The following UBE3D variants were observed in gnomAD, a reference collection of about 807,000 sequenced individuals.
The protein encoded by UBE3D is ubiquitin protein ligase E3D, also known as E3 ubiquitin-protein ligase E3D.
UBE3D carries 48 observed loss-of-function variants against 49.6 expected under a neutral mutation model. The observed-to-expected ratio is 0.97, with a 90% CI of 0.77 to 1.23. UBE3D has a LOEUF of 1.23. Among genes scored for constraint, UBE3D ranks in the 50% most tolerant of loss-of-function variants. The probability of loss-of-function intolerance (pLI) is 0.00; values close to 1 mark genes in which losing one functional copy is unlikely to be tolerated. For synonymous variants in UBE3D, 189 were observed against 174.2 expected (o/e 1.08, Z -0.67); for missense variants, 452 against 468.4 (o/e 0.96, Z 0.32).
intron 8 of UBE3D, among the ~76,000 whole-genome samples, chr6:83,005,676 A>G (rs1779927037): frequency 6.6e-6 from 1 of 151,886 alleles, no homozygotes; most frequent in African/African-American, 2.4e-5. Context: ...TCAAAGAGAT[A>G]TTTGCACACC....
At chr6:82,993,404 G>A (rs1453952558) in intron 8 of UBE3D, among the ~76,000 whole-genome samples, 1 of 152,146 alleles carries the variant, frequency 6.6e-6, no homozygotes, top group East Asian at 1.9e-4. Flanking sequence ...ATCCATAGGG[G>A]ATTGGTTCCA....
rs143242300 is a variant in UBE3D, at chr6:83,010,839, A to C, written c.1010+8134T>G. Among the ~76,000 whole-genome samples, 756 of 152,244 alleles carry C rather than the reference A, an allele frequency of 5.0e-3. 8 individuals carry two copies. Among genetic ancestry groups the C allele is most frequent in the African/African-American group, 0.016 (681 of 41,552 alleles). ...GCTGGCAGCTGATTAGATGGTGCCC[A>C]CCCAGATTAAGGGTAGATCTGCCTT... On this transcript the variant is annotated intron_variant, in intron 8 of 9. Transcript: ENST00000369747.
In UBE3D at chr6:82,912,872, T is replaced by A. The variant is rs115170851; in HGVS notation, c.1150-19830A>T. On this transcript the variant is annotated intron_variant, in intron 9 of 9. Transcript: ENST00000369747. ...CAACCTTTTTTTTAAATCCTGAGAA[T>A]CTTGTCAGTGGTTATTCTCTACTCT... 5.9e-3 allele frequency among the ~76,000 whole-genome samples: 893 copies of A among 152,244 alleles called. 12 individuals carry two copies. The highest frequency in any genetic ancestry group is 0.02 in the African/African-American group (841 of 41,528).
At chr6:83,062,066 T>C (rs1784206355) in intron 1 of UBE3D, among the ~76,000 whole-genome samples, 1 of 152,218 alleles carries the variant, frequency 6.6e-6, no homozygotes, top group East Asian at 1.9e-4. Flanking sequence ...TCTCCACTTC[T>C]ATCAAATATA....
intron 8 of UBE3D, among the ~76,000 whole-genome samples, chr6:82,965,523 C>T (rs749825497): frequency 1.4e-5 from 2 of 140,670 alleles, no homozygotes; most frequent in African/African-American, 5.3e-5. Context: ...GCAGAGGTTG[C>T]GGTGAGCCGA....
intron 1 of UBE3D, among the ~76,000 whole-genome samples, chr6:83,062,249 T>C (rs1403739539): frequency 6.6e-6 from 1 of 152,170 alleles, no homozygotes; most frequent in Non-Finnish European, 1.5e-5. Context: ...CATCTGTGGA[T>C]TGAATAAATG....
At chr6:82,917,608 G>A (rs1773019407) in intron 9 of UBE3D, among the ~76,000 whole-genome samples, 1 of 152,168 alleles carries the variant, frequency 6.6e-6, no homozygotes, top group Non-Finnish European at 1.5e-5. Flanking sequence ...CGATTAGGAA[G>A]GATTCATATC....
At chr6:83,056,417 A>G (rs1213574105) in intron 2 of UBE3D, among the ~76,000 whole-genome samples, 1 of 152,162 alleles carries the variant, frequency 6.6e-6, no homozygotes, top group Non-Finnish European at 1.5e-5. Context: ...CCAGCCTCCC[A>G]TGGCCTCTTC....
At chr6:82,973,216 T>C (rs1777475859) in intron 8 of UBE3D, among the ~76,000 whole-genome samples, 1 of 152,200 alleles carries the variant, frequency 6.6e-6, no homozygotes, top group South Asian at 2.1e-4. Context: ...TTGGATTTGA[T>C]TCTCCTATAA....
At chr6:82,976,852 C>T (rs182497938) in intron 8 of UBE3D, among the ~76,000 whole-genome samples, 12 of 152,216 alleles carry the variant, frequency 7.9e-5, no homozygotes, top group Admixed American at 2.0e-4. Context: ...CAGTGGCTCA[C>T]GCCTGTAATC....
chr6:83,017,407 A>T (rs1780769771), intron 8 of UBE3D: 1 of 152,178 alleles, frequency 6.6e-6, no homozygotes, highest in African/African-American at 2.4e-5. Flanking sequence ...AAACACATAC[A>T]TCAAAAGAGA....
chr6:82,955,955 T>A (rs549012026), intron 9 of UBE3D, among the ~76,000 whole-genome samples: 1 of 152,170 alleles, frequency 6.6e-6, no homozygotes. Flanking sequence ...TAAATAGGCA[T>A]GCTAAGACCA....
In UBE3D at chr6:82,895,359, A is replaced by G. The variant is rs562939172; in HGVS notation, c.1150-2317T>C. On this transcript the variant is annotated intron_variant, in intron 9 of 9. Transcript: ENST00000369747. ...GTTAAGAATTTTAGCTATACAGAAT[A>G]GTGATTTTCAACTTGAGGTGATTTT... Among the ~76,000 whole-genome samples, 110 of 152,222 alleles carry G rather than the reference A, an allele frequency of 7.2e-4. 1 individual carries two copies. Among genetic ancestry groups the G allele is most frequent in the African/African-American group, 2.6e-3 (110 of 41,544 alleles).
At chr6:83,012,618 G>T (rs1218492613) in intron 8 of UBE3D, among the ~76,000 whole-genome samples, 1 of 152,134 alleles carries the variant, frequency 6.6e-6, no homozygotes, top group Non-Finnish European at 1.5e-5. Flanking sequence ...CTCTCACATG[G>T]GATACAAATA....
At chr6:82,978,587 A>T (rs1274115023) in intron 8 of UBE3D, among the ~76,000 whole-genome samples, 1 of 152,242 alleles carries the variant, frequency 6.6e-6, no homozygotes, top group Non-Finnish European at 1.5e-5. Flanking sequence ...TCTACCTAGC[A>T]GTTTGAGCTC....
chr6:82,900,125 G>C (rs900586873), intron 9 of UBE3D, among the ~76,000 whole-genome samples: 2 of 152,116 alleles, frequency 1.3e-5, no homozygotes, highest in Non-Finnish European at 2.9e-5. Context: ...CTGCAGCTTT[G>C]GCCTAGAGTG....
intron 5 of UBE3D, among the ~76,000 whole-genome samples, chr6:83,030,737 A>G (rs961081858): frequency 6.6e-6 from 1 of 152,074 alleles, no homozygotes; most frequent in African/African-American, 2.4e-5. Context: ...CTTCCTAGAG[A>G]CTTGGAGGGC....
intron 9 of UBE3D, among the ~76,000 whole-genome samples, chr6:82,924,342 A>G (rs2783159): frequency 0.67 from 102,284 of 152,010 alleles, 34,912 homozygotes; most frequent in East Asian, 0.79. Flanking sequence ...AATGTCAAAA[A>G]CCTCAAAAAT....
the UBE3D span, among the ~76,000 whole-genome samples, chr6:82,886,196 C>T: frequency 1.3e-5 from 2 of 152,324 alleles, no homozygotes; most frequent in Non-Finnish European, 1.5e-5. Context: ...CGTAAGGCAG[C>T]GGTCCTCAAC....
Sources: gnomAD v4.1 joint callset for allele counts (sites outside exome capture counted in the v4.1 genomes callset) on GRCh38, gnomAD v4.1.1 for gene constraint, MANE v1.5 for transcripts, NCBI Gene and HGNC (gene_info 2026-07-23, HGNC 2026-07-21) for gene names.